Variants in GPR161 observed in about 807,000 individuals in gnomAD.
GPR161 encodes the protein G protein-coupled receptor 161, also known as G-protein coupled receptor RE2.
GPR161 carries 25 observed loss-of-function variants against 39.2 expected under a neutral mutation model. The observed-to-expected ratio is 0.64, with a 90% CI of 0.47 to 0.89. The LOEUF (loss-of-function observed/expected upper bound fraction) is 0.89. Among genes scored for constraint, GPR161 ranks in the 40% least tolerant of loss-of-function variants. The probability of loss-of-function intolerance (pLI) is 0.00; values close to 1 mark genes in which losing one functional copy is unlikely to be tolerated. For synonymous variants in GPR161, 286 were observed against 276.6 expected (o/e 1.03, Z -0.34); for missense variants, 547 against 677.8 (o/e 0.81, Z 2.14).
chr1:168,085,913 C>T (rs564151030), intron 5 of GPR161, 117 bp from the exon 6 acceptor site: 6 of 857,992 alleles, frequency 7.0e-6, no homozygotes, highest in South Asian at 3.6e-5. Flanking sequence ...CAGTTAAGGG[C>T]GTGGGTTTCA....
At chr1:168,131,885 A>T (rs1572394013) in intron 1 of GPR161, among the ~76,000 whole-genome samples, 1 of 152,260 alleles carries the variant, frequency 6.6e-6, no homozygotes, top group Non-Finnish European at 1.5e-5. Flanking sequence ...CAGTTAAAAA[A>T]ATTGGCAAAG....
chr1:168,099,223 C>T (rs1196368070), intron 2 of GPR161, among the ~76,000 whole-genome samples: 1 of 152,158 alleles, frequency 6.6e-6, no homozygotes, highest in Non-Finnish European at 1.5e-5. Context: ...TTGTGGGTGG[C>T]CTGCTGAGAC....
Position 168,104,549 on chromosome 1 carries a change from T to C in GPR161, c.302A>G (p.Asn101Ser). The C allele has an allele frequency of 6.2e-7, 1 of 1,613,932 alleles. No individual in the cohort carries two copies. The highest frequency in any genetic ancestry group is 8.5e-7 in the Non-Finnish European group (1 of 1,179,926). ...CAGCAGGTAGAGGAGGGCAGAGAAG[T>C]TGCACCACACTACACCAAAGATCCA... is the stretch of plus-strand genomic sequence containing the variant. ...REWIFGVVWCNFSALLYLLIS... is the reference protein window; with the variant it reads ...REWIFGVVWCSFSALLYLLIS... Residue 101 changes from asparagine (N) to serine (S), a missense_variant, in exon 2 of 6, where the codon AAC becomes AGC. Asn to Ser is a conservative substitution (Grantham distance 46, BLOSUM62 1). Transcript: ENST00000682931.
chr1:168,107,928 G>C (rs1473895969), intron 1 of GPR161, among the ~76,000 whole-genome samples: 1 of 152,154 alleles, frequency 6.6e-6, no homozygotes, highest in Non-Finnish European at 1.5e-5. Context: ...ATTGGGCAAA[G>C]GTAAAAATAC....
intron 1 of GPR161, among the ~76,000 whole-genome samples, chr1:168,116,798 C>T (rs1697673317): frequency 6.6e-6 from 1 of 152,190 alleles, no homozygotes; most frequent in African/African-American, 2.4e-5. Context: ...AGTGCTTTGG[C>T]CCTCTCCCCA....
At chr1:168,125,404 A>G (rs1698506532) in intron 1 of GPR161, among the ~76,000 whole-genome samples, 1 of 152,228 alleles carries the variant, frequency 6.6e-6, no homozygotes, top group African/African-American at 2.4e-5. Context: ...AAAAATTTAA[A>G]CAAGAATGTT....
chr1:168,097,341 G>T, intron 2 of GPR161, 109 bp from the exon 3 acceptor site: 1 of 1,142,184 alleles, frequency 8.8e-7, no homozygotes, highest in Non-Finnish European at 1.3e-6. Flanking sequence ...TCTAAAAGCA[G>T]CACCTTCTCC....
At chr1:168,101,781 A>G (rs140390196) in intron 2 of GPR161, among the ~76,000 whole-genome samples, 5 of 152,194 alleles carry the variant, frequency 3.3e-5, no homozygotes, top group Admixed American at 2.0e-4. Context: ...TGCCCTTGCT[A>G]TTCTCCACTT....
intron 1 of GPR161, chr1:168,133,995 T>A: frequency 3.8e-6 from 1 of 263,864 alleles, no homozygotes; most frequent in Non-Finnish European, 5.9e-6. Flanking sequence ...GAGGGGAATT[T>A]AATTTATTTT....
At chr1:168,090,703 C>A in intron 3 of GPR161, 35 bp from the exon 4 acceptor site, 1 of 1,287,986 alleles carries the variant, frequency 7.8e-7, no homozygotes, top group Non-Finnish European at 1.1e-6. Flanking sequence ...AACACAATCA[C>A]ACTCTGCAAG....
chr1:168,126,476 C>A (rs560191475), intron 1 of GPR161, among the ~76,000 whole-genome samples: 19 of 152,030 alleles, frequency 1.2e-4, no homozygotes, highest in African/African-American at 4.1e-4. Flanking sequence ...TTTTTTGAGA[C>A]AGCGTCTCAC....
intron 1 of GPR161, chr1:168,136,378 C>A: frequency 1.4e-6 from 2 of 1,433,302 alleles, no homozygotes; most frequent in Non-Finnish European, 9.1e-7. Context: ...GTCCCGGGCA[C>A]GCACCTACGC....
intron 2 of GPR161, among the ~76,000 whole-genome samples, chr1:168,103,916 C>T (rs139850739): frequency 3.0e-4 from 46 of 152,354 alleles, no homozygotes; most frequent in African/African-American, 9.4e-4. Flanking sequence ...ACATCAGCTG[C>T]GCCTGACCTC....
At position 168,104,776 on chromosome 1, in the gene GPR161, G is replaced by GC; in HGVS notation, c.74dup (p.Val26ArgfsTer147). 6.2e-7 allele frequency: 1 copy of GC among 1,613,706 alleles called. No homozygotes were observed. The highest frequency in any genetic ancestry group is 8.5e-7 in the Non-Finnish European group (1 of 1,179,790). Reference sequence around the variant, plus strand: ...TGGCGATGAACTGGGTGATGATGACGCCCCCTTCGCCACCCTCCTCCTCAG... The same window carrying GC: ...TGGCGATGAACTGGGTGATGATGACGCCCCCCTTCGCCACCCTCCTCCTCAG... On this transcript the variant is annotated frameshift_variant, in exon 2 of 6. Coordinates refer to ENST00000682931, the MANE Select transcript of GPR161 (RefSeq NM_001375883.1). LOFTEE classifies it high-confidence loss of function.
rs773362589 is a variant in GPR161 at position 168,090,590 on chromosome 1, G to C, written c.1178C>G (p.Thr393Ser). The change falls in exon 4 of 6, where the codon ACT becomes AGT. Residue 393 changes from threonine (T) to serine (S), a missense_variant. Thr to Ser is a moderately conservative substitution (Grantham distance 58, BLOSUM62 1). Coordinates refer to ENST00000682931, the MANE Select transcript of GPR161 (RefSeq NM_001375883.1). ...TGAGTCCTGGGAGCAGCTGAAGCCAGTGTCCCCCGTGCTGCTGCTGTGCCC... is the reference window on the plus strand; with the variant it reads ...TGAGTCCTGGGAGCAGCTGAAGCCACTGTCCCCCGTGCTGCTGCTGTGCCC... Reference protein sequence around the residue: ...PLGHSSSTGDTGFSCSQDSGT... With the variant: ...PLGHSSSTGDSGFSCSQDSGT... 1.2e-6 allele frequency: 2 copies of C among 1,608,832 alleles called. No homozygotes were observed. Among genetic ancestry groups the C allele is most frequent in the East Asian group, 4.5e-5 (2 of 44,854 alleles).
chr1:168,104,548 G>T lies in GPR161; in HGVS notation c.303C>A (p.Asn101Lys). 2.5e-6 allele frequency: 4 copies of T among 1,614,100 alleles called. No homozygotes were observed. Among genetic ancestry groups the T allele is most frequent in the Non-Finnish European group, 3.4e-6 (4 of 1,179,970 alleles). ...REWIFGVVWC[N>K]FSALLYLLIS... is the part of the protein sequence containing the mutation. ...TCAGCAGGTAGAGGAGGGCAGAGAAGTTGCACCACACTACACCAAAGATCC... is the reference window on the plus strand; with the variant it reads ...TCAGCAGGTAGAGGAGGGCAGAGAATTTGCACCACACTACACCAAAGATCC... The change falls in exon 2 of 6, where the codon AAC (asparagine) becomes AAA (lysine). Residue 101 changes from asparagine to lysine, a missense_variant. Coordinates refer to ENST00000682931, the MANE Select transcript of GPR161 (RefSeq NM_001375883.1).
chr1:168,122,330 T>C (rs1698240963), intron 1 of GPR161, among the ~76,000 whole-genome samples: 1 of 152,228 alleles, frequency 6.6e-6, no homozygotes, highest in African/African-American at 2.4e-5. Context: ...TATGTCTTAC[T>C]ATTCTCTGCT....
chr1:168,122,239 G>A (rs760809637), intron 1 of GPR161, among the ~76,000 whole-genome samples: 3 of 152,076 alleles, frequency 2.0e-5, no homozygotes, highest in African/African-American at 2.4e-5. Flanking sequence ...GTCACTCCTG[G>A]CTCCTCATTC....
chr1:168,108,395 C>G (rs1045357313), intron 1 of GPR161, among the ~76,000 whole-genome samples: 2 of 146,446 alleles, frequency 1.4e-5, no homozygotes, highest in African/African-American at 5.1e-5. Context: ...GGCCCAGCAA[C>G]TCCATATCTA....
Sources: gnomAD v4.1 joint callset for allele counts (sites outside exome capture counted in the v4.1 genomes callset) on GRCh38, gnomAD v4.1.1 for gene constraint, MANE v1.5 for transcripts, NCBI Gene and HGNC (gene_info 2026-07-23, HGNC 2026-07-21) for gene names.